The following MACF1 variants were observed in gnomAD, a reference collection of about 807,000 sequenced individuals.
The protein encoded by MACF1 is microtubule actin crosslinking factor 1.
In MACF1, 193 loss-of-function variants were observed where a neutral mutation model predicts 854.8. That is an observed-to-expected ratio of 0.23 (90% CI 0.20 to 0.25). MACF1 has a LOEUF of 0.25. Among genes scored for constraint, MACF1 ranks in the 10% least tolerant of loss-of-function variants. The pLI, the probability that MACF1 is intolerant of heterozygous loss-of-function variation, is 1.00. For synonymous variants in MACF1, 3,185 were observed against 3,226.7 expected, an observed-to-expected ratio of 0.99 and a Z score of 0.44; for missense variants, 7,722 against 8,929.1, an observed-to-expected ratio of 0.86 and a Z score of 5.45.
Position 39,299,138 on chromosome 1 carries a change from G to A in MACF1, c.2482-1072G>A, listed in dbSNP as rs1444495685. 12 of 442,244 alleles carry A rather than the reference G, an allele frequency of 2.7e-5. No homozygotes were observed. In the Admixed American group the frequency reaches 3.0e-4, roughly 11 times the overall value. 27.4% of individuals were successfully genotyped at this position (442,244 alleles called of 1,614,324 possible). ...CATCTTATTGCAAGGAAACTGAAAT[G>A]GGTAGACCAGCTCTCAAGTATGGAA... On this transcript the variant is annotated intron_variant, in intron 21 of 100. Coordinates refer to ENST00000564288, the MANE Select transcript of MACF1 (RefSeq NM_001394062.1).
At position 39,331,956 on chromosome 1, in the gene MACF1, G is replaced by T. The variant is rs773228388; in HGVS notation, c.5368G>T (p.Val1790Leu). 7 of 1,614,152 alleles carry T rather than the reference G, an allele frequency of 4.3e-6. No individual in the cohort carries two copies. The highest frequency in any genetic ancestry group is 1.3e-5 in the African/African-American group (1 of 75,044). Reference protein sequence around the residue: ...TGHRLTVEEAVRHNLIDQDMA... With the variant: ...TGHRLTVEEALRHNLIDQDMA... ...ACACAGACTTACAGTGGAAGAGGCT[G>T]TAAGACATAATCTGATTGACCAAGA... The change falls in exon 37 of 101, where the codon GTA becomes TTA. Residue 1790 changes from valine to leucine, a missense_variant. Around this residue, in one of 15 missense-constraint regions of MACF1, gnomAD observed 1,531 missense variants for 1,601.6 expected, o/e 0.96. Transcript: ENST00000564288.
intron 56 of MACF1, 107 bp downstream of exon 56, chr1:39,382,259 A>G (rs1650289612): frequency 4.7e-6 from 5 of 1,065,906 alleles, no homozygotes; most frequent in Non-Finnish European, 6.8e-6. Flanking sequence ...TTAATCTCTC[A>G]GAGTCTCAGT....
At chr1:39,302,523 G>A (rs192434674) in intron 22 of MACF1, among the ~76,000 whole-genome samples, 2 of 152,174 alleles carry the variant, frequency 1.3e-5, no homozygotes, top group Non-Finnish European at 2.9e-5. Flanking sequence ...ATTTTCAGGG[G>A]TTTGGGTGGG....
chr1:39,277,921 A>G (rs1645468477), intron 6 of MACF1, among the ~76,000 whole-genome samples: 2 of 152,194 alleles, frequency 1.3e-5, no homozygotes, highest in Admixed American at 6.5e-5. Flanking sequence ...GTTCTTCTCC[A>G]TGGTGCCAGT....
intron 58 of MACF1, chr1:39,411,146 T>C: frequency 6.2e-7 from 1 of 1,613,714 alleles, no homozygotes; most frequent in African/African-American, 1.3e-5. Flanking sequence ...TCCCCTTGCC[T>C]GAGTGAAGAG....
intron 1 of MACF1, among the ~76,000 whole-genome samples, chr1:39,215,091 G>A (rs2148281931): frequency 6.6e-6 from 1 of 152,334 alleles, no homozygotes; most frequent in South Asian, 2.1e-4. Flanking sequence ...GAAACACAGA[G>A]TTGGTGCTAC....
chr1:39,444,357 C>A (rs1226002702), intron 79 of MACF1, among the ~76,000 whole-genome samples: 1 of 151,854 alleles, frequency 6.6e-6, no homozygotes, highest in African/African-American at 2.4e-5. Flanking sequence ...AGTTTTTCTT[C>A]TATGGGTGAT....
rs1642875246 is a variant in MACF1, at chr1:39,409,327, C to T, written c.15817-13047C>T. 6.6e-6 allele frequency among the ~76,000 whole-genome samples: 1 copy of T among 152,100 alleles called. No individual in the cohort carries two copies. The highest frequency in any genetic ancestry group is 2.4e-5 in the African/African-American group (1 of 41,452). On this transcript the variant is annotated intron_variant, in intron 58 of 100. Transcript: ENST00000564288. The surrounding 1 kb of genome is among the most constrained non-coding windows in gnomAD (Gnocchi z 4.2). ...ACTGGCGGCGGCGGGCGAGGCGGCG[C>T]CCACAGCACTCGGGACTCAGCTGCC...
Position 39,403,810 on chromosome 1 carries a change from G to A in MACF1, c.15816+15152G>A, listed in dbSNP as rs114492695. Among the ~76,000 whole-genome samples the A allele has an allele frequency of 7.9e-3, 1,154 of 146,850 alleles. 10 individuals are homozygous for A. The highest frequency in any genetic ancestry group is 0.017 in the Middle Eastern group (5 of 292). ...TAAGTGACAGTTGAGTGAGCATCCC[G>A]TCCCAAAGTCCTCATTTAAAAATTT... On this transcript the variant is annotated intron_variant, in intron 58 of 100. Coordinates refer to ENST00000564288, the MANE Select transcript of MACF1 (RefSeq NM_001394062.1).
At chr1:39,236,871 C>T (rs1283795101) in intron 2 of MACF1, among the ~76,000 whole-genome samples, 1 of 149,332 alleles carries the variant, frequency 6.7e-6, no homozygotes, top group African/African-American at 2.6e-5. Flanking sequence ...CCATATTGGC[C>T]AGGCTGCTCT....
chr1:39,398,106 T>C (rs1439619804), intron 58 of MACF1, among the ~76,000 whole-genome samples: 1 of 151,224 alleles, frequency 6.6e-6, no homozygotes, highest in Non-Finnish European at 1.5e-5. Context: ...CAACCAAGCA[T>C]AGCTTTGCAG....
chr1:39,259,599 T>TTTTTTC (rs904950278), intron 6 of MACF1, among the ~76,000 whole-genome samples: 7 of 151,938 alleles, frequency 4.6e-5, no homozygotes, highest in African/African-American at 1.7e-4. Context: ...TTTTCTTTTC[T>TTTTTTC]TTTTTCTTTT....
At chr1:39,318,249 C>T (rs1646450974) in intron 29 of MACF1, among the ~76,000 whole-genome samples, 1 of 152,162 alleles carries the variant, frequency 6.6e-6, no homozygotes, top group Non-Finnish European at 1.5e-5. Context: ...CAGGTCACAA[C>T]TGGTTTCTAC....
rs778723444 is a variant in MACF1, at chr1:39,441,031, A to C, written c.18476A>C (p.His6159Pro). Residue 6159 changes from histidine to proline, a missense_variant, in exon 73 of 101, where the codon CAT (histidine) becomes CCT (proline). Physicochemically the swap from His to Pro is moderately conservative, Grantham distance 77. Transcript: ENST00000564288. ...ETIKEETDGL[H>P]EELEFIRILG... is the part of the protein sequence containing the mutation. Reference sequence around the variant, plus strand: ...ATTAAGGAAGAGACAGATGGTCTGCATGAAGAGCTGGAGTTTATTCGGATC... The same window carrying C: ...ATTAAGGAAGAGACAGATGGTCTGCCTGAAGAGCTGGAGTTTATTCGGATC... The C allele has an allele frequency of 3.1e-6, 5 of 1,614,208 alleles. No individual in the cohort carries two copies. The highest frequency in any genetic ancestry group is 4.2e-6 in the Non-Finnish European group (5 of 1,180,030).
intron 2 of MACF1, among the ~76,000 whole-genome samples, chr1:39,136,362 C>T (rs751446002): frequency 1.3e-5 from 2 of 152,170 alleles, no homozygotes; most frequent in Non-Finnish European, 2.9e-5. Context: ...GCTTCTGTGT[C>T]CTGTGCTTAT....
chr1:39,374,658 G>GAA (rs1649555811), intron 52 of MACF1, among the ~76,000 whole-genome samples: 1 of 152,148 alleles, frequency 6.6e-6, no homozygotes, highest in Non-Finnish European at 1.5e-5. Flanking sequence ...ATGAGTGGTT[G>GAA]TGACTGTATT....
chr1:39,484,961 G>A (rs1201799672), intron 100 of MACF1: 10 of 584,726 alleles, frequency 1.7e-5, no homozygotes, highest in Non-Finnish European at 2.1e-5. Flanking sequence ...TGGGCCATGC[G>A]TTCTCATCAG....
chr1:39,324,253 G>T lies in MACF1; in HGVS notation c.4297G>T (p.Val1433Leu), dbSNP rs770325518. ...GAAGGTTAAAGAACTTTTGGGCTGG[G>T]TGTCTACCCTAGCGAGGAATACACA... Reference protein sequence around the residue: ...VEKVKELLGWVSTLARNTQGK... With the variant: ...VEKVKELLGWLSTLARNTQGK... The change falls in exon 34 of 101, where the codon GTG becomes TTG. Residue 1433 changes from valine (V) to leucine (L), a missense_variant. Physicochemically the swap from Val to Leu is conservative, Grantham distance 32 (BLOSUM62 1). This residue lies in a region of MACF1 where 1,137 missense variants were observed against 1,263.0 expected (regional missense o/e 0.90). Coordinates refer to ENST00000564288, the MANE Select transcript of MACF1 (RefSeq NM_001394062.1). 3 of 1,613,676 alleles carry T rather than the reference G, an allele frequency of 1.9e-6. No homozygotes were observed. The East Asian group carries it at 6.7e-5, about 36-fold the overall frequency.
intron 2 of MACF1, among the ~76,000 whole-genome samples, chr1:39,179,106 G>GAAGTCATCTT (rs1644070433): frequency 6.6e-6 from 1 of 152,214 alleles, no homozygotes; most frequent in South Asian, 2.1e-4. Flanking sequence ...AGTTTTGACT[G>GAAGTCATCTT]AAGTCATCTT....
Sources: gnomAD v4.1 joint callset for allele counts (sites outside exome capture counted in the v4.1 genomes callset) on GRCh38, gnomAD v4.1.1 for gene constraint, gnomAD v4.1.1 regional missense constraint, Gnocchi (gnomAD v3.1) non-coding constraint, MANE v1.5 for transcripts, NCBI Gene and HGNC (gene_info 2026-07-23, HGNC 2026-07-21) for gene names.